NRXN1: variants seen among roughly 807,000 people sequenced by gnomAD.
NRXN1 encodes neurexin-1.
NRXN1 carries 39 observed loss-of-function variants against 150.9 expected under a neutral mutation model. That is an observed-to-expected ratio of 0.26 (90% CI 0.20 to 0.34). The LOEUF is 0.34. NRXN1 is among the 10% of genes least tolerant of loss of function. The probability of loss-of-function intolerance (pLI) is 1.00; values close to 1 mark genes in which losing one functional copy is unlikely to be tolerated. For synonymous variants in NRXN1, 924 were observed against 757.0 expected (o/e 1.22, Z -3.62); for missense variants, 1,815 against 1,949.9 (o/e 0.93, Z 1.30).
intron 5 of NRXN1, among the ~76,000 whole-genome samples, chr2:50,654,406 C>A (rs1686102360): frequency 6.6e-6 from 1 of 151,924 alleles, no homozygotes; most frequent in South Asian, 2.1e-4. Flanking sequence ...ATATGTGCCA[C>A]ATTTTCTTAA....
rs1265275527 is a variant in NRXN1, at chr2:50,162,750, C to T, written c.3547-71256G>A. 5.3e-5 allele frequency among the ~76,000 whole-genome samples: 8 copies of T among 152,108 alleles called. No homozygotes were observed. In the East Asian group the frequency reaches 7.7e-4, roughly 15 times the overall value. ...TAGCAATTAATACTATTCTGCCTAACCTCATGGTATTGACAAACCTTAATC... is the reference window on the plus strand; with the variant it reads ...TAGCAATTAATACTATTCTGCCTAATCTCATGGTATTGACAAACCTTAATC... On this transcript the variant is annotated intron_variant, in intron 18 of 22. Transcript: ENST00000401669.
intron 2 of NRXN1, among the ~76,000 whole-genome samples, chr2:51,014,231 T>A (rs750241209): frequency 1.3e-5 from 2 of 151,976 alleles, no homozygotes; most frequent in African/African-American, 4.8e-5. Context: ...GCTGAAGTGA[T>A]AGTGGGTAAA....
chr2:50,507,361 G>A (rs1178104806), intron 12 of NRXN1, among the ~76,000 whole-genome samples: 6 of 148,934 alleles, frequency 4.0e-5, no homozygotes, highest in African/African-American at 1.2e-4. Context: ...TAAGTGGACC[G>A]AAGAAAAGGA....
At chr2:50,745,523 T>C (rs950314131) in intron 5 of NRXN1, among the ~76,000 whole-genome samples, 5 of 151,974 alleles carry the variant, frequency 3.3e-5, no homozygotes, top group Non-Finnish European at 7.4e-5. Flanking sequence ...ATATGGTTAA[T>C]AGATGGTGGT....
chr2:50,951,876 A>T (rs984560300), intron 2 of NRXN1, among the ~76,000 whole-genome samples: 1 of 148,942 alleles, frequency 6.7e-6, no homozygotes, highest in Non-Finnish European at 1.5e-5. Flanking sequence ...AATCTATGTT[A>T]TCTATCTCAT....
intron 17 of NRXN1, among the ~76,000 whole-genome samples, chr2:50,247,921 G>T (rs1245349286): frequency 2.0e-5 from 3 of 152,044 alleles, no homozygotes; most frequent in Admixed American, 6.6e-5. Flanking sequence ...ACACAAGAAG[G>T]CTCTTTTAAT....
chr2:50,322,850 C>T (rs939902686), intron 17 of NRXN1, among the ~76,000 whole-genome samples: 1 of 152,024 alleles, frequency 6.6e-6, no homozygotes, highest in Non-Finnish European at 1.5e-5. Flanking sequence ...TCTCTGTAAG[C>T]CATTCTGTAT....
At chr2:50,571,968 C>T (rs904373972) in intron 8 of NRXN1, among the ~76,000 whole-genome samples, 2 of 152,076 alleles carry the variant, frequency 1.3e-5, no homozygotes, top group Non-Finnish European at 2.9e-5. Context: ...AGAGTAATCT[C>T]GATTTTTGGC....
intron 21 of NRXN1, among the ~76,000 whole-genome samples, chr2:49,999,195 T>C (rs1158303673): frequency 6.6e-6 from 1 of 152,110 alleles, no homozygotes; most frequent in Non-Finnish European, 1.5e-5. Flanking sequence ...TAGAATTGTG[T>C]CTAGATTAAA....
chr2:50,341,005 C>T (rs1416388936), intron 17 of NRXN1, among the ~76,000 whole-genome samples: 10 of 152,124 alleles, frequency 6.6e-5, no homozygotes, highest in African/African-American at 1.4e-4. Flanking sequence ...AAAAGGACTG[C>T]TTTTGGTCAT....
At chr2:50,223,868 T>C (rs1042975727) in intron 18 of NRXN1, among the ~76,000 whole-genome samples, 19 of 151,948 alleles carry the variant, frequency 1.3e-4, no homozygotes, top group African/African-American at 3.4e-4. Flanking sequence ...CTGAAAGTCA[T>C]GGCTCCAACC....
At chr2:49,922,456 G>C (rs1024081308) in intron 22 of NRXN1, among the ~76,000 whole-genome samples, 1 of 152,172 alleles carries the variant, frequency 6.6e-6, no homozygotes, top group Non-Finnish European at 1.5e-5. Context: ...ATTTGTTGCT[G>C]TGTCTTCTTT....
intron 12 of NRXN1, among the ~76,000 whole-genome samples, chr2:50,525,818 A>G (rs1188923820): frequency 1.3e-5 from 2 of 151,322 alleles, no homozygotes; most frequent in African/African-American, 4.9e-5. Flanking sequence ...CCCGGGGGGG[A>G]AATGGTAGCA....
At chr2:50,191,946 T>C (rs1388072992) in intron 18 of NRXN1, among the ~76,000 whole-genome samples, 1 of 152,166 alleles carries the variant, frequency 6.6e-6, no homozygotes, top group Non-Finnish European at 1.5e-5. Flanking sequence ...GGAAGACATA[T>C]CTAAATTATA....
In NRXN1 at chr2:50,922,651, C is replaced by T. The variant is rs1686218843; in HGVS notation, c.820+7G>A. The T allele has an allele frequency of 1.9e-6, 3 of 1,609,646 alleles. No individual in the cohort carries two copies. The highest frequency in any genetic ancestry group is 1.7e-4 in the Middle Eastern group (1 of 6,042). ...AAAGCAGAGTGGAAAAGGAACAGAG[C>T]CCATACCTTGGTCGCCCATCATCAG... On this transcript the variant is annotated splice_region_variant and intron_variant, in intron 4 of 22. Coordinates refer to ENST00000401669, the MANE Select transcript of NRXN1 (RefSeq NM_001330078.2).
intron 11 of NRXN1, among the ~76,000 whole-genome samples, chr2:50,530,453 T>TAA (rs2093069084): frequency 6.6e-6 from 1 of 152,146 alleles, no homozygotes. Context: ...TTTATAAAAA[T>TAA]AAAAACTGCT....
intron 18 of NRXN1, among the ~76,000 whole-genome samples, chr2:50,204,608 T>G (rs549435270): frequency 5.3e-5 from 8 of 152,072 alleles, no homozygotes; most frequent in Non-Finnish European, 1.0e-4. Context: ...TTTAGTTGTG[T>G]GTTGTGTATA....
In NRXN1 at chr2:50,290,779, TA is replaced by T. The variant is rs371057519; in HGVS notation, c.3365-53810del. On this transcript the variant is annotated intron_variant, in intron 17 of 22. Coordinates refer to ENST00000401669, the MANE Select transcript of NRXN1 (RefSeq NM_001330078.2). ...GTTTTAAAGAAATAAACAACAGTGG[TA>T]AAATGTCCAGATCTCTTCTGGACAA... Among the ~76,000 whole-genome samples, 31 of 152,170 alleles carry T rather than the reference TA, an allele frequency of 2.0e-4. No individual in the cohort carries two copies. In the South Asian group the frequency reaches 6.4e-3, roughly 32 times the overall value.
chr2:50,359,225 A>C (rs1332605875), intron 17 of NRXN1, among the ~76,000 whole-genome samples: 2 of 152,078 alleles, frequency 1.3e-5, no homozygotes, highest in African/African-American at 4.8e-5. Context: ...AGCCCCCTGC[A>C]AGCAAGGGAA....
Sources: allele counts gnomAD v4.1 joint callset (sites outside exome capture counted in the v4.1 genomes callset), GRCh38; gene constraint gnomAD v4.1.1; transcripts MANE v1.5; gene names NCBI Gene and HGNC (gene_info 2026-07-23, HGNC 2026-07-21).